YAP1: variants seen among roughly 807,000 people sequenced by gnomAD.
The protein encoded by YAP1 is transcriptional coactivator YAP1.
Under a neutral mutation model 56.9 loss-of-function variants are expected in YAP1, and 5 were observed. That is an observed-to-expected ratio of 0.09 (90% CI 0.05 to 0.18). The LOEUF (loss-of-function observed/expected upper bound fraction) is 0.18. Among genes scored for constraint, YAP1 ranks in the 10% least tolerant of loss-of-function variants. The pLI is 1.00. For synonymous variants in YAP1, 265 were observed against 248.1 expected (o/e 1.07, Z -0.64); for missense variants, 539 against 651.8 (o/e 0.83, Z 1.88).
chr11:102,157,775 A>G (rs528180019), intron 2 of YAP1, among the ~76,000 whole-genome samples: 20 of 152,090 alleles, frequency 1.3e-4, no homozygotes, highest in Non-Finnish European at 2.5e-4. Context: ...TTGTCATGTT[A>G]TCTTTGTTCA....
chr11:102,162,739 T>C (rs1946364715), intron 3 of YAP1, among the ~76,000 whole-genome samples, 168 bp downstream of exon 3: 1 of 152,234 alleles, frequency 6.6e-6, no homozygotes, highest in Non-Finnish European at 1.5e-5. Flanking sequence ...ACGTAAGCTA[T>C]ATTATTGCCT....
At chr11:102,131,609 T>G (rs1010409739) in intron 2 of YAP1, among the ~76,000 whole-genome samples, 1 of 152,226 alleles carries the variant, frequency 6.6e-6, no homozygotes, top group Non-Finnish European at 1.5e-5. Flanking sequence ...TGGTCGACAG[T>G]CTTCCTGATT....
chr11:102,126,762 CAGA>C (rs758124297), intron 2 of YAP1, among the ~76,000 whole-genome samples: 77 of 152,282 alleles, frequency 5.1e-4, no homozygotes, highest in Admixed American at 2.7e-3. Flanking sequence ...TTGGAAGACT[CAGA>C]AGAAGACAAG....
intron 6 of YAP1, among the ~76,000 whole-genome samples, chr11:102,210,426 A>T (rs539545545): frequency 1.3e-5 from 2 of 152,174 alleles, no homozygotes; most frequent in South Asian, 4.1e-4. Context: ...CTCATTTTGG[A>T]TACTGTTAAG....
At chr11:102,116,247 A>G (rs894549356) in intron 2 of YAP1, among the ~76,000 whole-genome samples, 2 of 152,234 alleles carry the variant, frequency 1.3e-5, no homozygotes, top group African/African-American at 4.8e-5. Context: ...TGTAACAACT[A>G]TTTAGCCTTT....
chr11:102,203,896 A>G (rs970996852), intron 4 of YAP1, among the ~76,000 whole-genome samples: 1 of 152,236 alleles, frequency 6.6e-6, no homozygotes, highest in Non-Finnish European at 1.5e-5. Context: ...AGTTCAATTC[A>G]AAAGTTAGAA....
At chr11:102,187,468 A>G (rs1310299806) in intron 4 of YAP1, among the ~76,000 whole-genome samples, 1 of 152,240 alleles carries the variant, frequency 6.6e-6, no homozygotes, top group East Asian at 1.9e-4. Context: ...AGTAAGATAG[A>G]GAATTTAATA....
At chr11:102,143,478 G>A (rs915791330) in intron 2 of YAP1, among the ~76,000 whole-genome samples, 6 of 152,298 alleles carry the variant, frequency 3.9e-5, no homozygotes, top group African/African-American at 1.4e-4. Context: ...GAGATGGGTA[G>A]ACCCTCATTG....
At chr11:102,122,647 A>ACTT (rs1462957334) in intron 2 of YAP1, among the ~76,000 whole-genome samples, 7 of 152,148 alleles carry the variant, frequency 4.6e-5, no homozygotes, top group Non-Finnish European at 7.4e-5. Context: ...TAATCCCAGC[A>ACTT]CTTCGGAAGG....
chr11:102,151,594 A>G (rs1168995457), intron 2 of YAP1, among the ~76,000 whole-genome samples: 1 of 152,006 alleles, frequency 6.6e-6, no homozygotes, highest in Non-Finnish European at 1.5e-5. Context: ...ATCTTTATGG[A>G]TCTTTCCCAC....
chr11:102,167,094 A>G (rs1034803589), intron 3 of YAP1, among the ~76,000 whole-genome samples: 1 of 152,244 alleles, frequency 6.6e-6, no homozygotes, highest in Non-Finnish European at 1.5e-5. Flanking sequence ...CATATAGCCT[A>G]GAGACCAGTG....
At chr11:102,154,565 G>C (rs922881322) in intron 2 of YAP1, among the ~76,000 whole-genome samples, 2 of 152,102 alleles carry the variant, frequency 1.3e-5, no homozygotes, top group African/African-American at 4.8e-5. Flanking sequence ...TTAATGGATG[G>C]AAGAATGATG....
At chr11:102,113,410 C>G (rs1385549102) in intron 1 of YAP1, among the ~76,000 whole-genome samples, 1 of 152,178 alleles carries the variant, frequency 6.6e-6, no homozygotes, top group African/African-American at 2.4e-5. Context: ...TAGACTGGAA[C>G]TCAGATCTTT....
At chr11:102,198,877 G>A (rs112206518) in intron 4 of YAP1, among the ~76,000 whole-genome samples, 50 of 151,974 alleles carry the variant, frequency 3.3e-4, no homozygotes, top group South Asian at 1.5e-3. Flanking sequence ...CTCTTATATC[G>A]TTGGCTCAAT....
chr11:102,155,740 G>A (rs1279512097), intron 2 of YAP1, among the ~76,000 whole-genome samples: 1 of 152,110 alleles, frequency 6.6e-6, no homozygotes, highest in Non-Finnish European at 1.5e-5. Flanking sequence ...ATTTTGGGTG[G>A]CCGAAGCCCT....
intron 2 of YAP1, among the ~76,000 whole-genome samples, chr11:102,150,439 G>A (rs1406578377): frequency 1.3e-5 from 2 of 152,168 alleles, no homozygotes; most frequent in African/African-American, 4.8e-5. Flanking sequence ...GTAGTGCTTA[G>A]TTATCTTACA....
At chr11:102,153,866 A>T (rs1945799751) in intron 2 of YAP1, among the ~76,000 whole-genome samples, 1 of 151,892 alleles carries the variant, frequency 6.6e-6, no homozygotes, top group African/African-American at 2.4e-5. Context: ...AAAAAAAAAA[A>T]TCTGTAAGAC....
chr11:102,171,049 T>C (rs1015795312), intron 3 of YAP1, among the ~76,000 whole-genome samples: 4 of 152,170 alleles, frequency 2.6e-5, no homozygotes, highest in African/African-American at 9.7e-5. Context: ...TATTACATAT[T>C]GGGGCATAAA....
rs1277026527 is a variant in YAP1, at chr11:102,114,176, G to A, written c.354G>A (p.Leu118=). ...ASTDAGTAGA[L]TPQHVRAHSS... is the part of the protein sequence containing the mutation. ...CTGATGCAGGCACTGCAGGAGCCCT[G>A]ACTCCACAGCATGTTCGAGCTCATT... The change falls in exon 2 of 9, where the codon CTG becomes CTA. Residue 118 remains leucine (L), a synonymous_variant. Transcript: ENST00000282441. The A allele has an allele frequency of 3.1e-6, 5 of 1,613,920 alleles. No homozygotes were observed. In the Admixed American group the frequency reaches 8.3e-5, roughly 27 times the overall value.
Sources: allele counts gnomAD v4.1 joint callset (sites outside exome capture counted in the v4.1 genomes callset), GRCh38; gene constraint gnomAD v4.1.1; transcripts MANE v1.5; gene names NCBI Gene and HGNC (gene_info 2026-07-23, HGNC 2026-07-21).